Variants in CPSF6 observed in about 807,000 individuals in gnomAD.
The protein encoded by CPSF6 is cleavage and polyadenylation specificity factor subunit 6.
Under a neutral mutation model 56.7 loss-of-function variants are expected in CPSF6, and 10 were observed. The ratio of observed to expected loss-of-function variants is 0.18; its 90% CI spans 0.11 to 0.30. CPSF6 has a LOEUF of 0.30. Among genes scored for constraint, CPSF6 ranks in the 10% least tolerant of loss-of-function variants. The probability of loss-of-function intolerance (pLI) is 1.00; values close to 1 mark genes in which losing one functional copy is unlikely to be tolerated. For missense variants in CPSF6, 419 were observed against 722.9 expected (o/e 0.58, Z 4.82); for synonymous variants, 248 against 244.8 (o/e 1.01, Z -0.12).
chr12:69,247,870 C>G (rs1037564178), intron 1 of CPSF6, among the ~76,000 whole-genome samples: 1 of 152,014 alleles, frequency 6.6e-6, no homozygotes, highest in Non-Finnish European at 1.5e-5. Flanking sequence ...CAAATGTATT[C>G]AGATTCATTA....
At position 69,273,108 on chromosome 12, in the gene CPSF6, C is replaced by A. The variant is rs773589374; in HGVS notation, c.*3600C>A. 1 of 440,886 alleles carries A rather than the reference C, an allele frequency of 2.3e-6. No individual in the cohort carries two copies. The highest frequency in any genetic ancestry group is 1.8e-5 in the South Asian group (1 of 56,338). The allele number at this position is 440,886 out of a possible 1,614,324, so 27.3% of individuals were successfully genotyped here. A position where few individuals can be genotyped will look rare whatever the true frequency, so the allele number is the denominator to read the frequency against. On this transcript the variant is annotated 3_prime_UTR_variant, in exon 10 of 10. Coordinates refer to ENST00000435070, the MANE Select transcript of CPSF6 (RefSeq NM_007007.3). ...AAATCAAGATTCAGGATTAAAGTTT[C>A]ATTGTAAGTTGAAATAGAAAATGTA...
intron 1 of CPSF6, among the ~76,000 whole-genome samples, chr12:69,250,590 C>CAAAAAAAAAA (rs61337613): frequency 8.2e-5 from 4 of 48,680 alleles, no homozygotes; most frequent in African/African-American, 1.6e-4. Flanking sequence ...CTGGTCTCTA[C>CAAAAAAAAAA]AAAAAAAAAA....
At chr12:69,259,940 C>A in intron 7 of CPSF6, 104 bp from the exon 8 acceptor site, 1 of 1,154,848 alleles carries the variant, frequency 8.7e-7, no homozygotes, top group Non-Finnish European at 1.2e-6. Context: ...TATTTTATAG[C>A]ACAGTACTTT....
In CPSF6 at chr12:69,249,495, G is replaced by C. The variant is rs73335767; in HGVS notation, c.61-1634G>C. ...ATTAGCTCCTCCATATGTGCCATTT[G>C]TATAATTCTTTAGTAAATTGTATTA... is the stretch of plus-strand genomic sequence containing the variant. On this transcript the variant is annotated intron_variant, in intron 1 of 9. Coordinates refer to ENST00000435070, the MANE Select transcript of CPSF6 (RefSeq NM_007007.3). Among the ~76,000 whole-genome samples the C allele has an allele frequency of 5.6e-3, 848 of 152,088 alleles. 11 individuals are homozygous for C. The highest frequency in any genetic ancestry group is 0.019 in the African/African-American group (799 of 41,508).
chr12:69,256,643 T>C, intron 3 of CPSF6, 54 bp from the exon 4 acceptor site: 2 of 1,521,976 alleles, frequency 1.3e-6, no homozygotes, highest in Middle Eastern at 3.6e-4. Flanking sequence ...AGAATAACAG[T>C]AATAATATTG....
chr12:69,257,676 C>A, intron 4 of CPSF6, 56 bp from the exon 5 acceptor site: 2 of 1,487,172 alleles, frequency 1.3e-6, no homozygotes, highest in Non-Finnish European at 9.2e-7. Context: ...ATAGTGGTTA[C>A]ATTTCAGAAA....
In CPSF6 at chr12:69,240,168, C is replaced by G. The variant is rs566724502; in HGVS notation, c.60+462C>G. 6.0e-4 allele frequency among the ~76,000 whole-genome samples: 91 copies of G among 152,130 alleles called. No individual in the cohort carries two copies. The East Asian group carries it at 0.013, about 22-fold the overall frequency. On this transcript the variant is annotated intron_variant, in intron 1 of 9. Coordinates refer to ENST00000435070, the MANE Select transcript of CPSF6 (RefSeq NM_007007.3). ...CCGCCCCTTCCCCGCCGCTGCCGCT[C>G]GGGCTCCGATTCCTCCCATCGCTCC...
At chr12:69,262,329 T>C (rs749544557) in intron 8 of CPSF6, 44 bp from the exon 9 acceptor site, 1 of 1,476,670 alleles carries the variant, frequency 6.8e-7, no homozygotes, top group Non-Finnish European at 9.0e-7. Context: ...ATTTTTAGGC[T>C]ATCTAATTAT....
At position 69,272,405 on chromosome 12, in the gene CPSF6, T is replaced by C. The variant is rs1412366503; in HGVS notation, c.*2897T>C. 2 of 151,718 alleles carry C rather than the reference T, an allele frequency of 1.3e-5. No individual in the cohort carries two copies. The highest frequency in any genetic ancestry group is 4.8e-5 in the African/African-American group (2 of 41,408). 9.4% of individuals were successfully genotyped at this position (151,718 alleles called of 1,614,324 possible). On this transcript the variant is annotated 3_prime_UTR_variant, in exon 10 of 10. Coordinates refer to ENST00000435070, the MANE Select transcript of CPSF6 (RefSeq NM_007007.3). ...CATGGAGGTTTTAATGAATGTTGTATAATATTTTATAGTGAAGGAAAATTG... is the reference window on the plus strand; with the variant it reads ...CATGGAGGTTTTAATGAATGTTGTACAATATTTTATAGTGAAGGAAAATTG...
intron 9 of CPSF6, among the ~76,000 whole-genome samples, chr12:69,269,012 T>C (rs1873125200): frequency 6.6e-6 from 1 of 151,958 alleles, no homozygotes; most frequent in Non-Finnish European, 1.5e-5. Flanking sequence ...ATTTGATTTA[T>C]AATACTTGCA....
chr12:69,250,075 TC>T, intron 1 of CPSF6, among the ~76,000 whole-genome samples: 1 of 152,280 alleles, frequency 6.6e-6, no homozygotes, highest in African/African-American at 2.4e-5. Context: ...TACATGTATT[TC>T]GTTTATTTCT....
chr12:69,271,993 T>C lies in CPSF6; in HGVS notation c.*2485T>C, dbSNP rs1873267658. The C allele has an allele frequency of 6.6e-6, 1 of 151,766 alleles. No individual in the cohort carries two copies. The highest frequency in any genetic ancestry group is 6.6e-5 in the Admixed American group (1 of 15,222). 9.4% of individuals were successfully genotyped at this position (151,766 alleles called of 1,614,324 possible). The stretch of plus-strand genomic sequence containing the variant: ...TAAAACATAGCATTTATTAGTGCTA[T>C]ACAGTCACATTCCTTTCAGCCAGTA... On this transcript the variant is annotated 3_prime_UTR_variant, in exon 10 of 10. Transcript: ENST00000435070.
At chr12:69,259,615 T>G in intron 7 of CPSF6, 72 bp downstream of exon 7, 1 of 1,251,824 alleles carries the variant, frequency 8.0e-7, no homozygotes, top group South Asian at 1.5e-5. Flanking sequence ...AAGTACAATC[T>G]AGAAGATAGG....
Position 69,239,616 on chromosome 12 carries a change from C to A in CPSF6, c.-31C>A. 1 of 1,540,094 alleles carries A rather than the reference C, an allele frequency of 6.5e-7. No individual in the cohort carries two copies. Among genetic ancestry groups the A allele is most frequent in the Non-Finnish European group, 8.7e-7 (1 of 1,144,992 alleles). ...CGGCGGGCAGACCTGCAGGAGGCGG[C>A]GGCGGCGGCGGCGGCCGAGGCTGAA... is the stretch of plus-strand genomic sequence containing the variant. On this transcript the variant is annotated 5_prime_UTR_variant, in exon 1 of 10. Transcript: ENST00000435070.
At position 69,239,595 on chromosome 12, in the gene CPSF6, G is replaced by A. The variant is rs1871481425; in HGVS notation, c.-52G>A. The stretch of plus-strand genomic sequence containing the variant: ...CTAGATCCGCTGCTGCTGCCGCGGC[G>A]GGCAGACCTGCAGGAGGCGGCGGCG... On this transcript the variant is annotated 5_prime_UTR_variant, in exon 1 of 10. Coordinates refer to ENST00000435070, the MANE Select transcript of CPSF6 (RefSeq NM_007007.3). 7 of 1,523,832 alleles carry A rather than the reference G, an allele frequency of 4.6e-6. No homozygotes were observed. Among genetic ancestry groups the A allele is most frequent in the South Asian group, 2.5e-5 (2 of 81,042 alleles). 94.4% of individuals were successfully genotyped at this position (1,523,832 alleles called of 1,614,324 possible).
chr12:69,239,689 G>A lies in CPSF6; in HGVS notation c.43G>A (p.Gly15Ser), dbSNP rs749427728. 4 of 1,591,212 alleles carry A rather than the reference G, an allele frequency of 2.5e-6. No individual in the cohort carries two copies. In the Admixed American group the frequency reaches 5.2e-5, roughly 21 times the overall value. The part of the protein sequence containing the change: ...VDHIDIYADV[G>S]EEFNQEAEYG... Reference sequence around the variant, plus strand: ...CCACATAGACATTTACGCGGATGTCGGCGAAGAGTTCAACCAGGTACGTGA... The same window carrying A: ...CCACATAGACATTTACGCGGATGTCAGCGAAGAGTTCAACCAGGTACGTGA... Residue 15 changes from glycine (G) to serine (S), a missense_variant, in exon 1 of 10, where the codon GGC becomes AGC. Gly to Ser is a moderately conservative substitution (Grantham distance 56, BLOSUM62 0). Around this residue, in one of 4 missense-constraint regions of CPSF6, gnomAD observed 125 missense variants for 216.4 expected, o/e 0.58. Transcript: ENST00000435070.
At chr12:69,256,211 G>A (rs1023271368) in intron 3 of CPSF6, among the ~76,000 whole-genome samples, 1 of 152,074 alleles carries the variant, frequency 6.6e-6, no homozygotes, top group Non-Finnish European at 1.5e-5. Flanking sequence ...GGTTCCATAG[G>A]GTACAGGGAT....
intron 1 of CPSF6, among the ~76,000 whole-genome samples, chr12:69,248,603 A>G (rs1180065144): frequency 6.6e-6 from 1 of 152,228 alleles, no homozygotes; most frequent in Non-Finnish European, 1.5e-5. Flanking sequence ...CAATTTGAGC[A>G]TGTTACTTTG....
At position 69,274,141 on chromosome 12, in the gene CPSF6, A is replaced by C. The variant is rs1481794602; in HGVS notation, c.*4633A>C. 4 of 142,298 alleles carry C rather than the reference A, an allele frequency of 2.8e-5. No individual in the cohort carries two copies. Among genetic ancestry groups the C allele is most frequent in the African/African-American group, 1.1e-4 (4 of 37,042 alleles). The allele number at this position is 142,298 out of a possible 1,614,324, so 8.8% of individuals were successfully genotyped here. A position where few individuals can be genotyped will look rare whatever the true frequency, so the allele number is the denominator to read the frequency against. On this transcript the variant is annotated 3_prime_UTR_variant, in exon 10 of 10. Transcript: ENST00000435070. ...TTTTTTTTTTTTGCTGTCCATGAGA[A>C]TTAGACTTCATATTAGCTTCAATTA...
Sources: gnomAD v4.1 joint callset for allele counts (sites outside exome capture counted in the v4.1 genomes callset) on GRCh38, gnomAD v4.1.1 for gene constraint, gnomAD v4.1.1 regional missense constraint, MANE v1.5 for transcripts, NCBI Gene and HGNC (gene_info 2026-07-23, HGNC 2026-07-21) for gene names.